PRLR: variants seen among roughly 807,000 people sequenced by gnomAD.
The protein encoded by PRLR is hPRL receptor.
In PRLR, 13 loss-of-function variants were observed where a neutral mutation model predicts 40.2. That is an observed-to-expected ratio of 0.32 (90% confidence interval 0.21 to 0.51). The LOEUF is 0.51. Ranked by LOEUF, PRLR falls within the 20% of genes least tolerant of loss-of-function variation. The probability of loss-of-function intolerance (pLI) is 0.97; values close to 1 mark genes in which losing one functional copy is unlikely to be tolerated. For missense variants in PRLR, 656 were observed against 747.3 expected, an observed-to-expected ratio of 0.88 and a Z score of 1.42; for synonymous variants, 269 against 278.7, an observed-to-expected ratio of 0.97 and a Z score of 0.35.
chr5:35,221,942 G>A (rs1379813482), intron 1 of PRLR, among the ~76,000 whole-genome samples: 1 of 152,114 alleles, frequency 6.6e-6, no homozygotes, highest in Non-Finnish European at 1.5e-5. Context: ...AAGAACTTCC[G>A]TCCCCACCCC....
At chr5:35,050,953 A>C (rs1768475470), downstream of PRLR, among the ~76,000 whole-genome samples, 1 of 152,238 alleles carries the variant, frequency 6.6e-6, no homozygotes, top group Non-Finnish European at 1.5e-5. Flanking sequence ...ACTGAGGTGC[A>C]GAGATTAGCA....
At chr5:35,191,538 C>T (rs1361422034) in intron 1 of PRLR, among the ~76,000 whole-genome samples, 1 of 152,114 alleles carries the variant, frequency 6.6e-6, no homozygotes, top group Admixed American at 6.5e-5. Context: ...TGTCTTGTCC[C>T]CTCCAAACTG....
At chr5:35,117,681 AG>A (rs1561315215) in intron 2 of PRLR, among the ~76,000 whole-genome samples, 2 of 152,350 alleles carry the variant, frequency 1.3e-5, no homozygotes, top group Middle Eastern at 3.4e-3. Context: ...GAGTTGCTTA[AG>A]AAAATAAAAG....
chr5:35,163,970 A>G (rs1774748703), intron 1 of PRLR, among the ~76,000 whole-genome samples: 1 of 152,228 alleles, frequency 6.6e-6, no homozygotes, highest in Admixed American at 6.5e-5. Flanking sequence ...CTATATGACT[A>G]GTTGGTAGGA....
At chr5:35,092,430 C>T (rs1771270003) in intron 2 of PRLR, among the ~76,000 whole-genome samples, 1 of 152,188 alleles carries the variant, frequency 6.6e-6, no homozygotes, top group Non-Finnish European at 1.5e-5. Flanking sequence ...AGGGGCTATG[C>T]TAAATGTTAA....
chr5:35,203,657 G>A (rs1359901695), intron 1 of PRLR, among the ~76,000 whole-genome samples: 5 of 152,222 alleles, frequency 3.3e-5, no homozygotes, highest in Middle Eastern at 3.4e-3. Context: ...TGTGCTCATC[G>A]AAGACTGCTT....
At chr5:35,095,696 A>T (rs1224804907) in intron 2 of PRLR, among the ~76,000 whole-genome samples, 1 of 152,198 alleles carries the variant, frequency 6.6e-6, no homozygotes, top group Non-Finnish European at 1.5e-5. Context: ...GTGGTCATTC[A>T]TTATTATTTT....
intron 2 of PRLR, among the ~76,000 whole-genome samples, chr5:35,109,623 T>C (rs1241895539): frequency 6.6e-6 from 1 of 152,112 alleles, no homozygotes; most frequent in Non-Finnish European, 1.5e-5. Context: ...AAAATGCTCA[T>C]CATCACTGGC....
At chr5:35,089,783 AG>A in intron 2 of PRLR, 120 bp from the exon 3 acceptor site, 1 of 629,018 alleles carries the variant, frequency 1.6e-6, no homozygotes, top group East Asian at 2.8e-5. Flanking sequence ...ATGACAAAAT[AG>A]GAGGAAAGGA....
rs763035397 is a variant in PRLR at position 35,065,648 on chromosome 5, C to T, written c.1310G>A (p.Cys437Tyr). The T allele has an allele frequency of 1.2e-6, 2 of 1,614,154 alleles. No homozygotes were observed. Among genetic ancestry groups the T allele is most frequent in the South Asian group, 1.1e-5 (1 of 91,072 alleles). The change falls in exon 10 of 10, where the codon TGT becomes TAT. Residue 437 changes from cysteine to tyrosine, a missense_variant. Around this residue, in one of 3 missense-constraint regions of PRLR, gnomAD observed 469 missense variants for 491.5 expected, o/e 0.95. Transcript: ENST00000618457. ...RSSYHNITDV[C>Y]ELAVGPAGAP... ...ACCTGCAGGGCCCACAGCCAGCTCA[C>T]ACACATCAGTAATATTGTGGTAAGA...
At position 35,058,414 on chromosome 5, in the gene PRLR, A is replaced by C. The variant is rs1206508100; in HGVS notation, c.*6675T>G. 1 of 152,232 alleles carries C rather than the reference A, an allele frequency of 6.6e-6. No individual in the cohort carries two copies. Among genetic ancestry groups the C allele is most frequent in the Non-Finnish European group, 1.5e-5 (1 of 68,032 alleles). The allele number at this position is 152,232 out of a possible 1,614,324, so 9.4% of individuals were successfully genotyped here. A position where few individuals can be genotyped will look rare whatever the true frequency, so the allele number is the denominator to read the frequency against. On this transcript the variant is annotated 3_prime_UTR_variant, in exon 10 of 10. Coordinates refer to ENST00000618457, the MANE Select transcript of PRLR (RefSeq NM_000949.7). ...ACGATGAAGCACAAAATCCAGCCTCATTATGCAAAGAACACTTGAGAAGTG... is the reference window on the plus strand; with the variant it reads ...ACGATGAAGCACAAAATCCAGCCTCCTTATGCAAAGAACACTTGAGAAGTG...
At chr5:35,171,076 A>G (rs1411346930) in intron 1 of PRLR, among the ~76,000 whole-genome samples, 2 of 148,468 alleles carry the variant, frequency 1.3e-5, no homozygotes, top group African/African-American at 5.0e-5. Context: ...ATAGGATCTA[A>G]TTTTACCCCT....
chr5:35,225,558 T>C (rs1213315577), intron 1 of PRLR, among the ~76,000 whole-genome samples: 4 of 152,382 alleles, frequency 2.6e-5, no homozygotes, highest in South Asian at 2.1e-4. Flanking sequence ...AATTTAAACA[T>C]TTCTATTAAG....
At chr5:35,131,703 T>C (rs2914108) in intron 1 of PRLR, among the ~76,000 whole-genome samples, 25,317 of 151,912 alleles carry the variant, frequency 0.17, 4,341 homozygotes, top group African/African-American at 0.44. Context: ...TCTGAACATA[T>C]ATTTGGGTGC....
intron 1 of PRLR, among the ~76,000 whole-genome samples, chr5:35,154,816 A>T (rs1415175563): frequency 6.6e-6 from 1 of 152,230 alleles, no homozygotes; most frequent in Non-Finnish European, 1.5e-5. Flanking sequence ...GCCATAAAAA[A>T]ACGAGATCAT....
chr5:35,224,300 A>G (rs1776497503), intron 1 of PRLR, among the ~76,000 whole-genome samples: 2 of 152,138 alleles, frequency 1.3e-5, no homozygotes, highest in Non-Finnish European at 2.9e-5. Context: ...AGCTAGGGAG[A>G]AGGTGACTTT....
chr5:35,056,654 A>G lies in PRLR; in HGVS notation c.*8435T>C, dbSNP rs923974135. The G allele has an allele frequency of 3.3e-5, 5 of 152,186 alleles. No homozygotes were observed. Among genetic ancestry groups the G allele is most frequent in the African/African-American group, 1.2e-4 (5 of 41,460 alleles). The allele number at this position is 152,186 out of a possible 1,614,324, so 9.4% of individuals were successfully genotyped here. A position where few individuals can be genotyped will look rare whatever the true frequency, so the allele number is the denominator to read the frequency against. ...ATTCAATGCTTTTGAAAAATTAGCTACATATTACTTCTCCAGCTCATCATT... is the reference window on the plus strand; with the variant it reads ...ATTCAATGCTTTTGAAAAATTAGCTGCATATTACTTCTCCAGCTCATCATT... On this transcript the variant is annotated 3_prime_UTR_variant, in exon 10 of 10. Transcript: ENST00000618457.
intron 1 of PRLR, among the ~76,000 whole-genome samples, chr5:35,208,240 G>T (rs1477976993): frequency 6.6e-6 from 1 of 151,440 alleles, no homozygotes; most frequent in African/African-American, 2.4e-5. Context: ...TTAACATTTA[G>T]GACACTGAAC....
intron 1 of PRLR, among the ~76,000 whole-genome samples, chr5:35,127,168 G>A (rs1264956114): frequency 6.6e-6 from 1 of 152,138 alleles, no homozygotes; most frequent in Non-Finnish European, 1.5e-5. Flanking sequence ...CAACAGACAG[G>A]ACCACGTGGC....
Sources: allele counts gnomAD v4.1 joint callset (sites outside exome capture counted in the v4.1 genomes callset), GRCh38; gene constraint gnomAD v4.1.1; regional missense constraint gnomAD v4.1.1; transcripts MANE v1.5; gene names NCBI Gene and HGNC (gene_info 2026-07-23, HGNC 2026-07-21).